The following CEP192 variants were observed in gnomAD, a reference collection of about 807,000 sequenced individuals.
CEP192 encodes the protein centrosomal protein of 192 kDa.
A neutral mutation model predicts 271.8 loss-of-function variants in CEP192; 151 were observed. That is an observed-to-expected ratio of 0.56 (90% CI 0.49 to 0.64). CEP192 has a LOEUF of 0.64. Among genes scored for constraint, CEP192 ranks in the 30% least tolerant of loss-of-function variants. The pLI, the probability that CEP192 is intolerant of heterozygous loss-of-function variation, is 0.00. For synonymous variants in CEP192, 995 were observed against 1,076.5 expected, an observed-to-expected ratio of 0.92 and a Z score of 1.48; for missense variants, 2,910 against 3,020.5, an observed-to-expected ratio of 0.96 and a Z score of 0.86.
At chr18:13,052,664 C>T (rs473808) in intron 17 of CEP192, among the ~76,000 whole-genome samples, 19,722 of 152,136 alleles carry the variant, frequency 0.13, 1,899 homozygotes, top group African/African-American at 0.27. Context: ...GCATGAATAG[C>T]TAATTGCTAA....
chr18:13,027,025 T>A (rs938256940), intron 9 of CEP192, among the ~76,000 whole-genome samples: 7 of 152,040 alleles, frequency 4.6e-5, no homozygotes, highest in African/African-American at 1.7e-4. Context: ...TGTGGTAAGG[T>A]GTTGGGGAGG....
intron 27 of CEP192, 130 bp from the exon 28 acceptor site, chr18:13,070,909 G>T: frequency 1.5e-6 from 1 of 680,490 alleles, no homozygotes; most frequent in Non-Finnish European, 2.5e-6. Context: ...TGCAGCACAA[G>T]CTCTAAGGGT....
intron 18 of CEP192, among the ~76,000 whole-genome samples, chr18:13,053,637 C>A (rs924265624): frequency 6.6e-6 from 1 of 152,156 alleles, no homozygotes; most frequent in Non-Finnish European, 1.5e-5. Flanking sequence ...GTTTAAAATA[C>A]GGGAGTTTGA....
At chr18:13,092,606 C>A in intron 34 of CEP192, 79 bp downstream of exon 34, 1 of 990,508 alleles carries the variant, frequency 1.0e-6, no homozygotes. Flanking sequence ...TTTTCCTGTA[C>A]TTCACTATTA....
chr18:13,049,267 G>T lies in CEP192; in HGVS notation c.2476G>T (p.Asp826Tyr), dbSNP rs188772767. 165 of 1,614,120 alleles carry T rather than the reference G, an allele frequency of 1.0e-4. No individual in the cohort carries two copies. The East Asian group carries it at 2.8e-3, about 27-fold the overall frequency. The part of the protein sequence containing the change: ...EQTTQDIHPV[D>Y]LSATSVSVRA... ...AACTACTCAAGACATTCATCCGGTG[G>T]ACTTAAGTGCTACTAGTGTAAGTGT... Residue 826 changes from aspartate (D) to tyrosine (Y), a missense_variant, in exon 16 of 45, where the codon GAC (aspartate) becomes TAC (tyrosine). By Grantham distance (160) the Asp-to-Tyr change is radical. Transcript: ENST00000506447.
intron 12 of CEP192, 45 bp downstream of exon 12, chr18:13,037,346 A>G: frequency 1.2e-6 from 1 of 817,910 alleles, no homozygotes; most frequent in Non-Finnish European, 2.0e-6. Flanking sequence ...TTTTTCCTGT[A>G]TTAGTGTAAG....
At chr18:13,111,118 A>G (rs2040189984) in intron 40 of CEP192, among the ~76,000 whole-genome samples, 1 of 151,920 alleles carries the variant, frequency 6.6e-6, no homozygotes, top group Non-Finnish European at 1.5e-5. Flanking sequence ...GACACCTAAT[A>G]TTTGTGGGGT....
At position 13,029,676 on chromosome 18, in the gene CEP192, A is replaced by C; in HGVS notation, c.1064A>C (p.Lys355Thr). 6.6e-7 allele frequency: 1 copy of C among 1,507,964 alleles called. No individual in the cohort carries two copies. The highest frequency in any genetic ancestry group is 8.9e-7 in the Non-Finnish European group (1 of 1,120,802). 93.4% of individuals were successfully genotyped at this position (1,507,964 alleles called of 1,614,324 possible). ...TTTGTTTTAAAGGAATGTGCAAGTA[A>C]AGATGTTCTGGTGAAGACCCTCAGG... is the stretch of plus-strand genomic sequence containing the variant. ...VPDLNSECAS[K>T]DVLVKTLRAI... is the part of the protein sequence containing the mutation. The change falls in exon 10 of 45, where the codon AAA (lysine) becomes ACA (threonine). Residue 355 changes from lysine (K) to threonine (T), a missense_variant. Coordinates refer to ENST00000506447, the MANE Select transcript of CEP192 (RefSeq NM_032142.4).
rs117556010 is a variant in CEP192 at position 13,062,920 on chromosome 18, T to A, written c.4488+3608T>A. ...CTTTCATAACCATCTTTCTATTCTC[T>A]ATGTCTGTAAGTTCAATTGATTTGA... On this transcript the variant is annotated intron_variant, in intron 21 of 44. Coordinates refer to ENST00000506447, the MANE Select transcript of CEP192 (RefSeq NM_032142.4). Among the ~76,000 whole-genome samples, 113 of 152,284 alleles carry A rather than the reference T, an allele frequency of 7.4e-4. 4 individuals are homozygous for A. The East Asian group carries it at 0.021, about 28-fold the overall frequency.
chr18:13,114,120 T>C lies in CEP192; in HGVS notation c.7168-10T>C. 1 of 1,609,642 alleles carries C rather than the reference T, an allele frequency of 6.2e-7. No individual in the cohort carries two copies. On this transcript the variant is annotated splice_polypyrimidine_tract_variant and intron_variant, in intron 41 of 44. Coordinates refer to ENST00000506447, the MANE Select transcript of CEP192 (RefSeq NM_032142.4). ...TTTCTTCTCCGTTACCCTGTGATTT[T>C]TCTGTATAGAGCATCGAAGCAGAAA...
rs759959356 is a variant in CEP192 at position 13,068,354 on chromosome 18, T to C, written c.4759-5T>C. 2 of 1,611,244 alleles carry C rather than the reference T, an allele frequency of 1.2e-6. No homozygotes were observed. The highest frequency in any genetic ancestry group is 1.7e-6 in the Non-Finnish European group (2 of 1,178,556). ...TTAAGACAAATTTTTCTTTTAATTT[T>C]ATAGGATCCAGAATTTCTGATGATT... On this transcript the variant is annotated splice_polypyrimidine_tract_variant and splice_region_variant and intron_variant, in intron 23 of 44. Coordinates refer to ENST00000506447, the MANE Select transcript of CEP192 (RefSeq NM_032142.4).
intron 7 of CEP192, 82 bp from the exon 8 acceptor site, chr18:13,018,398 C>T (rs2034785328): frequency 1.2e-6 from 1 of 841,074 alleles, no homozygotes. Context: ...TTCTGGCATC[C>T]TTCAGTAAAG....
intron 30 of CEP192, among the ~76,000 whole-genome samples, chr18:13,083,863 A>G (rs2038754983): frequency 6.6e-6 from 1 of 152,038 alleles, no homozygotes; most frequent in African/African-American, 2.4e-5. Context: ...TTTTCCTTCT[A>G]AGAGTCAGGT....
At chr18:13,077,478 T>A (rs971962323) in intron 30 of CEP192, among the ~76,000 whole-genome samples, 2 of 152,212 alleles carry the variant, frequency 1.3e-5, no homozygotes, top group African/African-American at 2.4e-5. Flanking sequence ...TGAAAGATAA[T>A]TTTTAAAGGT....
At chr18:13,093,822 A>G (rs1392766466) in intron 34 of CEP192, among the ~76,000 whole-genome samples, 3 of 152,256 alleles carry the variant, frequency 2.0e-5, no homozygotes, top group Admixed American at 6.5e-5. Flanking sequence ...CAGAGCAGAT[A>G]CATCTTGCAA....
chr18:13,112,970 T>A (rs1300824736), intron 40 of CEP192, among the ~76,000 whole-genome samples: 2 of 152,264 alleles, frequency 1.3e-5, no homozygotes. Context: ...AAATGCTGTT[T>A]TTAAACATTA....
intron 28 of CEP192, 21 bp downstream of exon 28, chr18:13,071,233 A>G (rs1432929710): frequency 6.3e-7 from 1 of 1,596,282 alleles, no homozygotes; most frequent in African/African-American, 1.3e-5. Context: ...AAGACTGACA[A>G]ATCGTCCACT....
chr18:13,058,020 T>G lies in CEP192; in HGVS notation c.4257+287T>G, dbSNP rs148510841. ...TATTTAAATCATCAAAAGTTCTGAG[T>G]TTCTTGTTTCTACTTGTCAGTTTTG... is the stretch of plus-strand genomic sequence containing the variant. On this transcript the variant is annotated intron_variant, in intron 20 of 44. Coordinates refer to ENST00000506447, the MANE Select transcript of CEP192 (RefSeq NM_032142.4). The G allele has an allele frequency of 5.6e-3, 1,043 of 186,956 alleles. 23 individuals carry two copies. The highest frequency in any genetic ancestry group is 0.022 in the African/African-American group (955 of 42,936). The allele number at this position is 186,956 out of a possible 1,614,324, so 11.6% of individuals were successfully genotyped here.
At chr18:13,090,668 C>A (rs571002) in intron 33 of CEP192, among the ~76,000 whole-genome samples, 68,553 of 151,840 alleles carry the variant, frequency 0.45, 15,603 homozygotes, top group Middle Eastern at 0.5. Context: ...AAAAAGACTT[C>A]AAATGGACTT....
Sources: gnomAD v4.1 joint callset for allele counts (sites outside exome capture counted in the v4.1 genomes callset) on GRCh38, gnomAD v4.1.1 for gene constraint, MANE v1.5 for transcripts, NCBI Gene and HGNC (gene_info 2026-07-23, HGNC 2026-07-21) for gene names.